The following SNRPN variants were observed in gnomAD, a reference collection of about 807,000 sequenced individuals.
SNRPN encodes small nuclear ribonucleoprotein-associated protein N.
A neutral mutation model predicts 25.2 loss-of-function variants in SNRPN; 7 were observed. The ratio of observed to expected loss-of-function variants is 0.28; its 90% CI spans 0.16 to 0.52. SNRPN has a LOEUF of 0.52. Among genes scored for constraint, SNRPN ranks in the 20% least tolerant of loss-of-function variants. The pLI, the probability that SNRPN is intolerant of heterozygous loss-of-function variation, is 0.96. For missense variants in SNRPN, 196 were observed against 322.5 expected, an observed-to-expected ratio of 0.61 and a Z score of 3.00; for synonymous variants, 124 against 110.6, an observed-to-expected ratio of 1.12 and a Z score of -0.76.
At chr15:24,900,100 G>T (rs1432202198) in intron 2 of SNRPN, among the ~76,000 whole-genome samples, 1 of 152,170 alleles carries the variant, frequency 6.6e-6, no homozygotes, top group Non-Finnish European at 1.5e-5. Flanking sequence ...CACGTGCCTT[G>T]GGAGCCCGAG....
At chr15:24,975,952 CATT>C (rs1422206718) in intron 5 of SNRPN, among the ~76,000 whole-genome samples, 4 of 152,056 alleles carry the variant, frequency 2.6e-5, no homozygotes, top group African/African-American at 7.2e-5. Context: ...TGTCACCTGT[CATT>C]ATGATTTAAT....
upstream of SNRPN, among the ~76,000 whole-genome samples, chr15:24,950,270 G>T (rs2062160417): frequency 1.3e-5 from 2 of 151,778 alleles, no homozygotes; most frequent in African/African-American, 4.8e-5. Flanking sequence ...TCCGCCTCCT[G>T]GGTTCAAGCG....
intron 2 of SNRPN, among the ~76,000 whole-genome samples, chr15:24,901,184 T>C (rs890772913): frequency 3.0e-4 from 45 of 152,142 alleles, no homozygotes; most frequent in African/African-American, 1.0e-3. Flanking sequence ...GGTATTGCCG[T>C]CTTAGGTAGA....
At chr15:24,880,378 C>T (rs1020328495) in intron 1 of SNRPN, among the ~76,000 whole-genome samples, 8 of 152,064 alleles carry the variant, frequency 5.3e-5, no homozygotes, top group African/African-American at 9.7e-5. Flanking sequence ...TCCTGGAGCC[C>T]GCAGTCTGCA....
Position 24,850,994 on chromosome 15 carries a change from C to G in SNRPN, c.-579+21089C>G, listed in dbSNP as rs1233785108. The G allele has an allele frequency of 3.3e-5, 5 of 151,218 alleles. No homozygotes were observed. The East Asian group carries it at 9.8e-4, about 29-fold the overall frequency. 9.4% of individuals were successfully genotyped at this position (151,218 alleles called of 1,614,324 possible). On this transcript the variant is annotated intron_variant, in intron 2 of 12. Transcript: ENST00000400100. ...GGAGTGCAGTGGCATATACACTGTT[C>G]ACTGCAGCCTCTACCTCCTGGGCCC...
chr15:24,935,147 G>T lies in SNRPN; in HGVS notation c.-391+15023G>T, dbSNP rs535616661. Among the ~76,000 whole-genome samples, 9 of 151,988 alleles carry T rather than the reference G, an allele frequency of 5.9e-5. No homozygotes were observed. In the South Asian group the frequency reaches 1.9e-3, roughly 32 times the overall value. Reference sequence around the variant, plus strand: ...TCTAGCTGGGCATGGCAGCATGCCCGTATAGTCCCAGCTACTCGTGAGGCT... The same window carrying T: ...TCTAGCTGGGCATGGCAGCATGCCCTTATAGTCCCAGCTACTCGTGAGGCT... On this transcript the variant is annotated intron_variant, in intron 3 of 11. Transcript: ENST00000400097.
At chr15:24,861,164 C>T (rs557954518) in intron 1 of SNRPN, among the ~76,000 whole-genome samples, 74 of 152,260 alleles carry the variant, frequency 4.9e-4, no homozygotes, top group African/African-American at 1.7e-3. Flanking sequence ...TGATGCATTG[C>T]TTAATCATGG....
In SNRPN at chr15:24,966,672, C is replaced by T. The variant is rs139396002; in HGVS notation, c.-294-1260C>T. Among the ~76,000 whole-genome samples the T allele has an allele frequency of 2.4e-3, 360 of 152,222 alleles. 1 individual carries two copies. The highest frequency in any genetic ancestry group is 8.1e-3 in the African/African-American group (335 of 41,534). ...ACACATTTCTTTCACTGGGTAAATT[C>T]CAAGGATGTATAGGATGTATAGGTT... On this transcript the variant is annotated intron_variant, in intron 2 of 9. Coordinates refer to ENST00000390687, the MANE Select transcript of SNRPN (RefSeq NM_003097.6).
intron 1 of SNRPN, among the ~76,000 whole-genome samples, chr15:24,865,622 C>G (rs933607323): frequency 1.3e-5 from 2 of 152,118 alleles, no homozygotes; most frequent in Non-Finnish European, 2.9e-5. Flanking sequence ...TGCTTAGCTG[C>G]TAGAGAAAAA....
intron 1 of SNRPN, among the ~76,000 whole-genome samples, chr15:24,877,552 C>T (rs2056050666): frequency 6.6e-6 from 1 of 152,212 alleles, no homozygotes; most frequent in African/African-American, 2.4e-5. Flanking sequence ...AGGCCGGGCG[C>T]GGTGGCTGAC....
At chr15:24,887,264 C>T (rs940298256) in intron 2 of SNRPN, among the ~76,000 whole-genome samples, 4 of 151,652 alleles carry the variant, frequency 2.6e-5, no homozygotes, top group Non-Finnish European at 5.9e-5. Flanking sequence ...TCTCCTGCCT[C>T]AGGCTCCCAT....
In SNRPN at chr15:24,976,887, C is replaced by A; in HGVS notation, c.278C>A (p.Ala93Asp). Residue 93 changes from alanine (A) to aspartate (D), a missense_variant, in exon 7 of 10, where the codon GCT becomes GAT. By Grantham distance (126) the Ala-to-Asp change is moderately radical (BLOSUM62 -2). Transcript: ENST00000390687. ...ATTTTCTTGTTTCAGACTGGCATTG[C>A]TCGGGTACCACTTGCTGGAGCTGCT... ...EGPPPKDTGI[A>D]RVPLAGAAGG... 6.2e-7 allele frequency: 1 copy of A among 1,608,016 alleles called. No homozygotes were observed. The highest frequency in any genetic ancestry group is 8.5e-7 in the Non-Finnish European group (1 of 1,178,322).
At chr15:24,897,346 G>C (rs1050465547) in intron 2 of SNRPN, among the ~76,000 whole-genome samples, 1 of 152,128 alleles carries the variant, frequency 6.6e-6, no homozygotes, top group Non-Finnish European at 1.5e-5. Flanking sequence ...CAGCATCTTG[G>C]GAAACCAAGG....
chr15:24,946,713 C>T (rs1419668601), intron 3 of SNRPN, among the ~76,000 whole-genome samples: 2 of 152,208 alleles, frequency 1.3e-5, no homozygotes, highest in Non-Finnish European at 2.9e-5. Flanking sequence ...CAGGTGATCC[C>T]TCTGCTCAGC....
chr15:24,869,070 G>A lies in SNRPN; in HGVS notation c.-579+12354G>A, dbSNP rs913829745. Among the ~76,000 whole-genome samples, 11 of 152,216 alleles carry A rather than the reference G, an allele frequency of 7.2e-5. No individual in the cohort carries two copies. In the South Asian group the frequency reaches 8.3e-4, roughly 11 times the overall value. Reference sequence around the variant, plus strand: ...TGAGGCAGCAGGATGTCTTGAGCCCGGGAGGTCGAGGCTAAAGTGAGCCAT... The same window carrying A: ...TGAGGCAGCAGGATGTCTTGAGCCCAGGAGGTCGAGGCTAAAGTGAGCCAT... On this transcript the variant is annotated intron_variant, in intron 1 of 11. Transcript: ENST00000400097.
At chr15:24,919,164 T>C (rs1299721531) in intron 2 of SNRPN, among the ~76,000 whole-genome samples, 1 of 151,546 alleles carries the variant, frequency 6.6e-6, no homozygotes, top group Non-Finnish European at 1.5e-5. Context: ...GCGTGGTGGC[T>C]CACGCCTGTA....
intron 1 of SNRPN, among the ~76,000 whole-genome samples, chr15:24,829,374 C>T (rs567798463): frequency 7.2e-5 from 11 of 152,110 alleles, no homozygotes; most frequent in Non-Finnish European, 1.3e-4. Context: ...GCAGTGAGTC[C>T]AGCAAACAGG....
intron 2 of SNRPN, among the ~76,000 whole-genome samples, chr15:24,889,637 G>A (rs2057491510): frequency 6.6e-6 from 1 of 152,094 alleles, no homozygotes; most frequent in African/African-American, 2.4e-5. Context: ...GTGAACCAGG[G>A]ATGGGATTGT....
chr15:24,866,349 A>G (rs1316429386), intron 1 of SNRPN, among the ~76,000 whole-genome samples: 1 of 152,128 alleles, frequency 6.6e-6, no homozygotes, highest in Non-Finnish European at 1.5e-5. Context: ...CATGTGTATT[A>G]CCTCACATAG....
Sources: gnomAD v4.1 joint callset for allele counts (sites outside exome capture counted in the v4.1 genomes callset) on GRCh38, gnomAD v4.1.1 for gene constraint, MANE v1.5 for transcripts, NCBI Gene and HGNC (gene_info 2026-07-23, HGNC 2026-07-21) for gene names.